Variants in MAGI2 observed in about 807,000 individuals in gnomAD.
MAGI2 encodes membrane associated guanylate kinase, WW and PDZ domain containing 2, also known as membrane-associated guanylate kinase, WW and PDZ domain-containing protein 2.
Under a neutral mutation model 133.3 loss-of-function variants are expected in MAGI2, and 35 were observed. The ratio of observed to expected loss-of-function variants is 0.26; its 90% CI spans 0.20 to 0.35. The LOEUF is 0.35. MAGI2 is among the 10% of genes least tolerant of loss of function. The pLI is 1.00. For missense variants in MAGI2, 1,636 were observed against 1,863.4 expected (o/e 0.88, Z 2.25); for synonymous variants, 729 against 710.6 (o/e 1.03, Z -0.41).
intron 2 of MAGI2, among the ~76,000 whole-genome samples, chr7:78,728,562 T>G (rs1821055531): frequency 2.4e-5 from 2 of 83,130 alleles, no homozygotes; most frequent in Non-Finnish European, 4.6e-5. Flanking sequence ...TTTTTTTTTT[T>G]TTTTTTTTTT....
At chr7:78,816,732 G>GA (rs556701236) in intron 2 of MAGI2, among the ~76,000 whole-genome samples, 1,519 of 148,204 alleles carry the variant, frequency 0.01, 14 homozygotes, top group Non-Finnish European at 0.016. Flanking sequence ...CTACTGCTTA[G>GA]AAAAAAAAAA....
intron 10 of MAGI2, among the ~76,000 whole-genome samples, chr7:78,238,796 T>A (rs1175168969): frequency 6.6e-6 from 1 of 152,178 alleles, no homozygotes; most frequent in Non-Finnish European, 1.5e-5. Context: ...TTATGTCCTA[T>A]CACTCCTCTG....
Position 79,306,962 on chromosome 7 carries a change from C to T in MAGI2, c.301+146058G>A, listed in dbSNP as rs184054204. Among the ~76,000 whole-genome samples, 233 of 152,120 alleles carry T rather than the reference C, an allele frequency of 1.5e-3. 1 individual carries two copies. The highest frequency in any genetic ancestry group is 5.1e-3 in the African/African-American group (212 of 41,516). ...CTGAGTAGCTGGGATTACAGGCGAC[C>T]GCCACCACACCCGGCTAATTTCTTT... On this transcript the variant is annotated intron_variant, in intron 1 of 21. Transcript: ENST00000354212.
intron 2 of MAGI2, among the ~76,000 whole-genome samples, chr7:78,747,422 T>C (rs191664197): frequency 3.5e-4 from 53 of 151,352 alleles, no homozygotes; most frequent in Non-Finnish European, 6.9e-4. Flanking sequence ...TTGAATGTCA[T>C]TGTGCTCCAG....
chr7:79,435,940 T>G (rs1288715155), intron 1 of MAGI2, among the ~76,000 whole-genome samples: 1 of 151,760 alleles, frequency 6.6e-6, no homozygotes, highest in Admixed American at 6.6e-5. Flanking sequence ...CAATGGAAAA[T>G]AGTAAAGAGT....
chr7:78,749,788 AG>A (rs1307932589), intron 2 of MAGI2, among the ~76,000 whole-genome samples: 3 of 152,312 alleles, frequency 2.0e-5, no homozygotes, highest in South Asian at 4.1e-4. Flanking sequence ...AAGGGAAGAG[AG>A]AGAGGAAGGA....
chr7:79,262,085 G>T (rs1322841894), intron 1 of MAGI2, among the ~76,000 whole-genome samples: 1 of 152,132 alleles, frequency 6.6e-6, no homozygotes, highest in East Asian at 1.9e-4. Context: ...TATCACTAGT[G>T]TTATCCCATC....
At chr7:79,120,630 T>G (rs554352927) in intron 1 of MAGI2, among the ~76,000 whole-genome samples, 5 of 152,178 alleles carry the variant, frequency 3.3e-5, no homozygotes, top group South Asian at 4.1e-4. Flanking sequence ...ATGGTGAGTT[T>G]AGCAGATGTT....
intron 1 of MAGI2, among the ~76,000 whole-genome samples, chr7:79,405,881 T>C (rs2364916): frequency 0.55 from 79,789 of 145,062 alleles, 24,190 homozygotes; most frequent in African/African-American, 0.81. Flanking sequence ...CCCTCTAGGG[T>C]GCTCCACCCT....
intron 6 of MAGI2, among the ~76,000 whole-genome samples, chr7:78,466,920 C>T (rs759465730): frequency 1.3e-5 from 2 of 152,090 alleles, no homozygotes; most frequent in Non-Finnish European, 2.9e-5. Context: ...ATCAAGATAC[C>T]TTTAGGTAGT....
intron 1 of MAGI2, among the ~76,000 whole-genome samples, chr7:79,293,668 T>G (rs1836680093): frequency 6.6e-6 from 1 of 152,140 alleles, no homozygotes; most frequent in South Asian, 2.1e-4. Context: ...AGATGAAAAA[T>G]TTATGGTTTA....
chr7:78,265,717 T>G (rs567099992), intron 9 of MAGI2, among the ~76,000 whole-genome samples: 1 of 152,330 alleles, frequency 6.6e-6, no homozygotes, highest in Admixed American at 6.5e-5. Context: ...AAAAATACCT[T>G]GCAGGAAAGA....
At position 78,019,682 on chromosome 7, in the gene MAGI2, C is replaced by A. The variant is rs773082728; in HGVS notation, c.4001G>T (p.Gly1334Val). 1.1e-4 allele frequency: 155 copies of A among 1,461,506 alleles called. 2 individuals carry two copies. The African/African-American group carries it at 2.1e-3, about 20-fold the overall frequency. The allele number at this position is 1,461,506 out of a possible 1,614,324, so 90.5% of individuals were successfully genotyped here. A position where few individuals can be genotyped will look rare whatever the true frequency, so the allele number is the denominator to read the frequency against. ...CCTGCCGGCCTCGGGCCGCCCCTGGCCGCCGGGCGCCTCCTCGAGCCTCGG... is the reference window on the plus strand; with the variant it reads ...CCTGCCGGCCTCGGGCCGCCCCTGGACGCCGGGCGCCTCCTCGAGCCTCGG... ...ARPRLEEAPG[G>V]QGRPEAGRPA... The change falls in exon 22 of 22, where the codon GGC becomes GTC. Residue 1334 changes from glycine to valine, a missense_variant. Gly to Val is a moderately radical substitution (Grantham distance 109, BLOSUM62 -3). Around this residue, in one of 5 missense-constraint regions of MAGI2, gnomAD observed 354 missense variants for 298.7 expected, o/e 1.19. Coordinates refer to ENST00000354212, the MANE Select transcript of MAGI2 (RefSeq NM_012301.4).
At chr7:78,369,564 C>T (rs1432108555) in intron 6 of MAGI2, among the ~76,000 whole-genome samples, 1 of 151,950 alleles carries the variant, frequency 6.6e-6, no homozygotes, top group Non-Finnish European at 1.5e-5. Flanking sequence ...ATTTGTATTG[C>T]TAAAGGAGGA....
chr7:78,702,776 C>G (rs867225559), intron 2 of MAGI2, among the ~76,000 whole-genome samples: 2 of 152,026 alleles, frequency 1.3e-5, no homozygotes, highest in Non-Finnish European at 2.9e-5. Context: ...GTAGATAAAA[C>G]TGGTCAACAA....
intron 16 of MAGI2, among the ~76,000 whole-genome samples, 177 bp from the exon 17 acceptor site, chr7:78,135,383 G>A (rs1822005368): frequency 6.6e-6 from 1 of 152,166 alleles, no homozygotes; most frequent in Middle Eastern, 3.2e-3. Context: ...TGAGACCAAA[G>A]TTTCTAAATT....
rs3807672 is a variant in MAGI2 at position 78,180,011 on chromosome 7, G to T, written c.2312-1909C>A. 3.4e-3 allele frequency among the ~76,000 whole-genome samples: 514 copies of T among 152,302 alleles called. 4 individuals are homozygous for T. In the East Asian group the frequency reaches 0.054, roughly 16 times the overall value. On this transcript the variant is annotated intron_variant, in intron 13 of 21. Coordinates refer to ENST00000354212, the MANE Select transcript of MAGI2 (RefSeq NM_012301.4). Reference sequence around the variant, plus strand: ...AGAAGGAGAAAGACAAGGGGAGATCGGAGATGACAGATATTGCTCAATCAC... The same window carrying T: ...AGAAGGAGAAAGACAAGGGGAGATCTGAGATGACAGATATTGCTCAATCAC...
At chr7:78,507,615 C>T (rs1471929952) in intron 4 of MAGI2, among the ~76,000 whole-genome samples, 1 of 152,058 alleles carries the variant, frequency 6.6e-6, no homozygotes, top group Non-Finnish European at 1.5e-5. Context: ...ATATAGAGTA[C>T]TACAATAATG....
intron 2 of MAGI2, among the ~76,000 whole-genome samples, chr7:78,904,329 G>GA (rs758864113): frequency 3.3e-5 from 5 of 151,670 alleles, no homozygotes; most frequent in East Asian, 1.9e-4. Flanking sequence ...AAAATTCTAT[G>GA]AAAAAAAATC....
Sources: allele counts gnomAD v4.1 joint callset (sites outside exome capture counted in the v4.1 genomes callset), GRCh38; gene constraint gnomAD v4.1.1; regional missense constraint gnomAD v4.1.1; transcripts MANE v1.5; gene names NCBI Gene and HGNC (gene_info 2026-07-23, HGNC 2026-07-21).